The following MAN2A1 variants were observed in gnomAD, a reference collection of about 807,000 sequenced individuals.
The protein encoded by MAN2A1 is mannosidase alpha class 2A member 1, also known as alpha-mannosidase 2.
A neutral mutation model predicts 142.6 loss-of-function variants in MAN2A1; 76 were observed. The ratio of observed to expected loss-of-function variants is 0.53; its 90% CI spans 0.44 to 0.65. The LOEUF is 0.65. Ranked by LOEUF, MAN2A1 falls within the 30% of genes least tolerant of loss-of-function variation. MAN2A1 has a pLI of 0.00. For synonymous variants in MAN2A1, 559 were observed against 473.2 expected, an observed-to-expected ratio of 1.18 and a Z score of -2.35; for missense variants, 1,311 against 1,365.1, an observed-to-expected ratio of 0.96 and a Z score of 0.62.
At position 109,798,677 on chromosome 5, in the gene MAN2A1, T is replaced by C. The variant is rs550457709; in HGVS notation, c.1943+9150T>C. Among the ~76,000 whole-genome samples the C allele has an allele frequency of 2.0e-5, 3 of 152,164 alleles. No homozygotes were observed. The South Asian group carries it at 6.2e-4, about 32-fold the overall frequency. ...TCATTCTGTGTTTTGTTTGTTTGTT[T>C]TGTTTTGTTTTGTTTTGTTTTTGAG... On this transcript the variant is annotated intron_variant, in intron 12 of 21. Transcript: ENST00000261483.
Position 109,698,528 on chromosome 5 carries a change from A to ATT in MAN2A1, c.135+7976_135+7977insTT, listed in dbSNP as rs139998069. 4.1e-3 allele frequency among the ~76,000 whole-genome samples: 625 copies of ATT among 152,302 alleles called. 4 individuals are homozygous for ATT. The highest frequency in any genetic ancestry group is 0.015 in the African/African-American group (604 of 41,556). ...AGTAGTATTAAGGTTAGTGTTAAGTAGAGTTTTTTAAGTATTTGTTTTTTT... is the reference window on the plus strand; with the variant it reads ...AGTAGTATTAAGGTTAGTGTTAAGTATTGAGTTTTTTAAGTATTTGTTTTTTT... On this transcript the variant is annotated intron_variant, in intron 1 of 21. Transcript: ENST00000261483.
chr5:109,767,437 A>T, intron 5 of MAN2A1, 98 bp from the exon 6 acceptor site: 1 of 942,268 alleles, frequency 1.1e-6, no homozygotes, highest in Non-Finnish European at 1.6e-6. Context: ...TGATATCTCT[A>T]GGAGACTATA....
intron 5 of MAN2A1, among the ~76,000 whole-genome samples, chr5:109,765,642 G>A (rs182892103): frequency 1.1e-3 from 162 of 152,224 alleles, no homozygotes; most frequent in African/African-American, 3.6e-3. Context: ...GTCCATTGAT[G>A]ATTTTCTAAT....
Position 109,842,341 on chromosome 5 carries a change from G to C in MAN2A1, c.2580G>C (p.Gln860His). 6.4e-7 allele frequency: 1 copy of C among 1,562,212 alleles called. No homozygotes were observed. Among genetic ancestry groups the C allele is most frequent in the South Asian group, 1.2e-5 (1 of 85,120 alleles). The change falls in exon 17 of 22, where the codon CAG (glutamine) becomes CAC (histidine). Residue 860 changes from glutamine (Q) to histidine (H), a missense_variant. Physicochemically the swap from Gln to His is conservative, Grantham distance 24. Coordinates refer to ENST00000261483, the MANE Select transcript of MAN2A1 (RefSeq NM_002372.4). ...RLYHIQGIEG[Q>H]SVEVSNIVDI... ...TTTTAAATTTAGGAATAGAAGGACA[G>C]TCTGTGGAAGTTTCCAATATTGTGG...
intron 5 of MAN2A1, among the ~76,000 whole-genome samples, chr5:109,766,146 A>G (rs1482857646): frequency 6.6e-6 from 1 of 152,070 alleles, no homozygotes; most frequent in Non-Finnish European, 1.5e-5. Context: ...AAAAACCATA[A>G]GTTAGTACCG....
At chr5:109,773,623 A>T (rs191162792) in intron 7 of MAN2A1, among the ~76,000 whole-genome samples, 3 of 152,168 alleles carry the variant, frequency 2.0e-5, no homozygotes. Flanking sequence ...TATATGTTAC[A>T]TAAGGACGCT....
At chr5:109,706,879 T>C (rs1301655114) in intron 1 of MAN2A1, among the ~76,000 whole-genome samples, 1 of 152,218 alleles carries the variant, frequency 6.6e-6, no homozygotes, top group Non-Finnish European at 1.5e-5. Context: ...ATATATCTTC[T>C]ACAGCTCTTA....
intron 13 of MAN2A1, among the ~76,000 whole-genome samples, chr5:109,818,681 G>T (rs1049101133): frequency 2.6e-5 from 4 of 152,076 alleles, no homozygotes; most frequent in African/African-American, 9.7e-5. Flanking sequence ...TGGCATTGTT[G>T]TAAAGCCCTT....
At chr5:109,789,417 G>T in intron 11 of MAN2A1, 43 bp from the exon 12 acceptor site, 1 of 1,145,216 alleles carries the variant, frequency 8.7e-7, no homozygotes, top group South Asian at 1.4e-5. Context: ...ATGAGTCCAT[G>T]GAGTGTTAAG....
intron 4 of MAN2A1, among the ~76,000 whole-genome samples, chr5:109,739,120 G>T (rs111955329): frequency 1.3e-5 from 2 of 152,092 alleles, no homozygotes; most frequent in Non-Finnish European, 2.9e-5. Flanking sequence ...GGGATTACAG[G>T]CATCAGCCAC....
chr5:109,743,666 C>T (rs2284990), intron 4 of MAN2A1, among the ~76,000 whole-genome samples: 26,751 of 152,150 alleles, frequency 0.18, 3,313 homozygotes, highest in East Asian at 0.64. Flanking sequence ...GACTCTGACC[C>T]CTGCTTTTCG....
rs143159085 is a variant in MAN2A1 at position 109,809,066 on chromosome 5, T to C, written c.1944-8207T>C. Among the ~76,000 whole-genome samples, 415 of 152,276 alleles carry C rather than the reference T, an allele frequency of 2.7e-3. 3 individuals carry two copies. Among genetic ancestry groups the C allele is most frequent in the Non-Finnish European group, 4.5e-3 (306 of 68,012 alleles). The stretch of plus-strand genomic sequence containing the variant: ...TGAAAGACAGACTATTTCTAAGTTA[T>C]AGTTTTTTCTGATTATAAAATTATA... On this transcript the variant is annotated intron_variant, in intron 12 of 21. Transcript: ENST00000261483.
chr5:109,774,188 C>G (rs1753221850), intron 7 of MAN2A1, among the ~76,000 whole-genome samples: 1 of 152,084 alleles, frequency 6.6e-6, no homozygotes, highest in South Asian at 2.1e-4. Context: ...GACAAATACT[C>G]AGATTATTGG....
At chr5:109,776,374 G>A (rs975296355) in intron 8 of MAN2A1, among the ~76,000 whole-genome samples, 3 of 151,982 alleles carry the variant, frequency 2.0e-5, no homozygotes, top group South Asian at 4.1e-4. Context: ...TCGGATCCTA[G>A]GGGTATGTTT....
chr5:109,831,574 T>C (rs536758963), intron 16 of MAN2A1, among the ~76,000 whole-genome samples: 1 of 152,252 alleles, frequency 6.6e-6, no homozygotes, highest in Non-Finnish European at 1.5e-5. Context: ...TTTGGTGTAT[T>C]GTACATGGTG....
rs527460114 is a variant in MAN2A1 at position 109,777,741 on chromosome 5, G to A, written c.1374+2776G>A. 1.8e-4 allele frequency among the ~76,000 whole-genome samples: 27 copies of A among 152,120 alleles called. No individual in the cohort carries two copies. In the East Asian group the frequency reaches 3.9e-3, roughly 22 times the overall value. On this transcript the variant is annotated intron_variant, in intron 8 of 21. Transcript: ENST00000261483. ...TATCTGAAATGGATTGCTGTGAATTGTGTGAGGGTAGGGATCAAGATACAT... is the reference window on the plus strand; with the variant it reads ...TATCTGAAATGGATTGCTGTGAATTATGTGAGGGTAGGGATCAAGATACAT...
chr5:109,775,945 T>G (rs1753279091), intron 8 of MAN2A1, among the ~76,000 whole-genome samples: 1 of 152,122 alleles, frequency 6.6e-6, no homozygotes, highest in African/African-American at 2.4e-5. Context: ...TATATATATT[T>G]ATGGGACACC....
intron 1 of MAN2A1, chr5:109,699,640 C>CTTGT (rs1219359758): frequency 1.3e-5 from 2 of 152,828 alleles, no homozygotes; most frequent in African/African-American, 4.8e-5. Context: ...AGTGCAGCTC[C>CTTGT]TTGTATACCC....
In MAN2A1 at chr5:109,867,014, T is replaced by A; in HGVS notation, c.*16T>A. On this transcript the variant is annotated 3_prime_UTR_variant, in exon 22 of 22. Coordinates refer to ENST00000261483, the MANE Select transcript of MAN2A1 (RefSeq NM_002372.4). ...GTTGAGGTGAACCTGACTTTCACAT[T>A]TGGATTGAGAATCATTGGCTTTTAT... 6 of 1,604,342 alleles carry A rather than the reference T, an allele frequency of 3.7e-6. No homozygotes were observed. The highest frequency in any genetic ancestry group is 5.1e-6 in the Non-Finnish European group (6 of 1,175,756).
Sources: gnomAD v4.1 joint callset for allele counts (sites outside exome capture counted in the v4.1 genomes callset) on GRCh38, gnomAD v4.1.1 for gene constraint, MANE v1.5 for transcripts, NCBI Gene and HGNC (gene_info 2026-07-23, HGNC 2026-07-21) for gene names.